The following KCNT1 variants were observed in gnomAD, a reference collection of about 807,000 sequenced individuals.
The protein encoded by KCNT1 is potassium sodium-activated channel subfamily T member 1.
KCNT1 carries 78 observed loss-of-function variants against 147.8 expected under a neutral mutation model. The observed-to-expected ratio is 0.53, with a 90% CI of 0.44 to 0.64. The LOEUF is 0.64. Among genes scored for constraint, KCNT1 ranks in the 30% least tolerant of loss-of-function variants. The pLI, the probability that KCNT1 is intolerant of heterozygous loss-of-function variation, is 0.00. For missense variants in KCNT1, 1,419 were observed against 1,750.3 expected, an observed-to-expected ratio of 0.81 and a Z score of 3.38; for synonymous variants, 867 against 748.8, an observed-to-expected ratio of 1.16 and a Z score of -2.58.
chr9:135,710,026 C>T (rs999422696), intron 1 of KCNT1, among the ~76,000 whole-genome samples: 1 of 152,178 alleles, frequency 6.6e-6, no homozygotes, highest in African/African-American at 2.4e-5. Flanking sequence ...CCTGTAGGCA[C>T]CAGGCTGTGT....
At chr9:135,708,160 C>T (rs972812917) in intron 1 of KCNT1, among the ~76,000 whole-genome samples, 3 of 152,230 alleles carry the variant, frequency 2.0e-5, no homozygotes, top group Admixed American at 6.5e-5. Flanking sequence ...CTGGGGGACT[C>T]TCCTGGATGC....
chr9:135,764,539 A>G (rs1386121704), intron 11 of KCNT1, among the ~76,000 whole-genome samples: 2 of 152,234 alleles, frequency 1.3e-5, no homozygotes, highest in African/African-American at 4.8e-5. Context: ...TCTGTTTTGG[A>G]TCTGTCCCCT....
At chr9:135,764,670 G>A (rs530106235) in intron 11 of KCNT1, among the ~76,000 whole-genome samples, 5 of 152,254 alleles carry the variant, frequency 3.3e-5, no homozygotes, top group South Asian at 4.2e-4. Context: ...TGAGGCCTGC[G>A]AGTGCCTGGA....
Position 135,759,577 on chromosome 9 carries a change from T to A in KCNT1, c.855-102T>A, listed in dbSNP as rs1831766572. 12 of 1,282,740 alleles carry A rather than the reference T, an allele frequency of 9.4e-6. No homozygotes were observed. The South Asian group carries it at 1.5e-4, about 16-fold the overall frequency. 79.5% of individuals were successfully genotyped at this position (1,282,740 alleles called of 1,614,324 possible). A position where few individuals can be genotyped will look rare whatever the true frequency, so the allele number is the denominator to read the frequency against. On this transcript the variant is annotated intron_variant, in intron 10 of 30. Coordinates refer to ENST00000371757, the MANE Select transcript of KCNT1 (RefSeq NM_020822.3). ...GCTCGCCTGGTGATGCACAGCTCAG[T>A]CTCCTGGGCAGTGAGGGTCCCGTGG...
chr9:135,755,102 GCCT>G lies in KCNT1; in HGVS notation c.492-15_492-13del. ...AGTGGCTGTGGTGCCCTACTGTGCT[GCCT>G]CCTTTCTCTTCCCAGGGCTCCTATT... On this transcript the variant is annotated splice_polypyrimidine_tract_variant and intron_variant, in intron 5 of 30. Transcript: ENST00000371757. 1 of 1,605,248 alleles carries G rather than the reference GCCT, an allele frequency of 6.2e-7. No homozygotes were observed. The highest frequency in any genetic ancestry group is 8.5e-7 in the Non-Finnish European group (1 of 1,175,938).
At chr9:135,784,707 G>C in intron 26 of KCNT1, 54 bp from the exon 27 acceptor site, 1 of 1,608,974 alleles carries the variant, frequency 6.2e-7, no homozygotes, top group Non-Finnish European at 8.5e-7. Flanking sequence ...CGGTGGCCAG[G>C]AGGCTCTGGG....
intron 2 of KCNT1, among the ~76,000 whole-genome samples, chr9:135,732,042 G>GAGAGAGT (rs1554766213): frequency 1.9e-5 from 1 of 52,696 alleles, no homozygotes; most frequent in Non-Finnish European, 3.8e-5. Flanking sequence ...AGAGAGAGAG[G>GAGAGAGT]GAGTCTCACT....
In KCNT1 at chr9:135,784,596, CG is replaced by C; in HGVS notation, c.3008del (p.Gly1003AlafsTer8). 6.2e-7 allele frequency: 1 copy of C among 1,603,124 alleles called. No individual in the cohort carries two copies. The highest frequency in any genetic ancestry group is 8.5e-7 in the Non-Finnish European group (1 of 1,176,144). On this transcript the variant is annotated frameshift_variant, in exon 26 of 31. Coordinates refer to ENST00000371757, the MANE Select transcript of KCNT1 (RefSeq NM_020822.3). LOFTEE classifies it high-confidence loss of function. Reference sequence around the variant, plus strand: ...CTGCTGCTGGGCCTGGACACCACGCCGGGCTCGGGGTACCTCTGTGCCGTAA... The same window carrying C: ...CTGCTGCTGGGCCTGGACACCACGCCGGCTCGGGGTACCTCTGTGCCGTAA... ...TRLLLGLDTT[P>X]GSGYLCAMKI... is the part of the protein sequence containing the mutation.
chr9:135,731,983 TATATATATAGAG>T (rs1346490976), intron 2 of KCNT1, among the ~76,000 whole-genome samples: 46 of 24,888 alleles, frequency 1.8e-3, no homozygotes, highest in African/African-American at 5.0e-3. Context: ...TATATATATA[TATATATATAGAG>T]AGAGAGAGAG....
At chr9:135,719,891 G>A (rs867169600) in intron 2 of KCNT1, among the ~76,000 whole-genome samples, 2 of 152,188 alleles carry the variant, frequency 1.3e-5, no homozygotes, top group African/African-American at 4.8e-5. Flanking sequence ...GCCCCAGAGC[G>A]GCCTGACCAG....
chr9:135,772,848 G>T lies in KCNT1; in HGVS notation c.2142G>T (p.Leu714=), dbSNP rs370580872. Reference sequence around the variant, plus strand: ...GGCGGCCCAGCATCGCGCCCGTCCTGGAACTGGCCGACAGCTCAGCCCTGC... The same window carrying T: ...GGCGGCCCAGCATCGCGCCCGTCCTTGAACTGGCCGACAGCTCAGCCCTGC... ...GSRRPSIAPV[L]ELADSSALLP... Residue 714 remains leucine, a synonymous_variant, in exon 19 of 31, where the codon CTG becomes CTT. Coordinates refer to ENST00000371757, the MANE Select transcript of KCNT1 (RefSeq NM_020822.3). 6.5e-7 allele frequency: 1 copy of T among 1,545,448 alleles called. No individual in the cohort carries two copies. Among genetic ancestry groups the T allele is most frequent in the South Asian group, 1.2e-5 (1 of 83,414 alleles).
chr9:135,775,623 T>C (rs1030614304), intron 20 of KCNT1, among the ~76,000 whole-genome samples: 4 of 152,256 alleles, frequency 2.6e-5, no homozygotes, highest in African/African-American at 9.6e-5. Flanking sequence ...GCTCTCCCTC[T>C]CACAGTGTCT....
At chr9:135,785,429 A>G in intron 28 of KCNT1, 99 bp downstream of exon 28, 1 of 979,636 alleles carries the variant, frequency 1.0e-6, no homozygotes, top group African/African-American at 3.2e-5. Context: ...CCACCCACCC[A>G]CAGGGCCCTG....
chr9:135,770,402 A>G lies in KCNT1; in HGVS notation c.1724A>G (p.Tyr575Cys). 1 of 1,613,212 alleles carries G rather than the reference A, an allele frequency of 6.2e-7. No individual in the cohort carries two copies. Among genetic ancestry groups the G allele is most frequent in the Non-Finnish European group, 8.5e-7 (1 of 1,179,734 alleles). ...GGTGACAGCAAGTTCTTCCGCGAGT[A>G]CGAGGGCAAGAGCTTCACCTACGCG... ...RMGDSKFFRE[Y>C]EGKSFTYAAF... The change falls in exon 17 of 31, where the codon TAC becomes TGC. Residue 575 changes from tyrosine to cysteine, a missense_variant. Physicochemically the swap from Tyr to Cys is radical, Grantham distance 194. Coordinates refer to ENST00000371757, the MANE Select transcript of KCNT1 (RefSeq NM_020822.3).
rs117294296 is a variant in KCNT1 at position 135,767,009 on chromosome 9, C to T, written c.1337+1249C>T. On this transcript the variant is annotated intron_variant, in intron 13 of 30. Transcript: ENST00000371757. ...ACAAGGTAACAAGAGTATATTATTA[C>T]CTGGAACTTTCCAGAATGTGTCGGT... Among the ~76,000 whole-genome samples, 37 of 152,256 alleles carry T rather than the reference C, an allele frequency of 2.4e-4. 1 individual carries two copies. In the East Asian group the frequency reaches 6.6e-3, roughly 27 times the overall value.
rs1834600612 is a variant in KCNT1, at chr9:135,792,311, C to T, written c.*150C>T. On this transcript the variant is annotated 3_prime_UTR_variant, in exon 31 of 31. Coordinates refer to ENST00000371757, the MANE Select transcript of KCNT1 (RefSeq NM_020822.3). ...CTGGGACTCCACCCTGGAAAGGAGC[C>T]CCTCATGCGGGGGGAGGGCCAGCTC... The T allele has an allele frequency of 9.5e-7, 1 of 1,057,206 alleles. No homozygotes were observed. The highest frequency in any genetic ancestry group is 2.7e-5 in the East Asian group (1 of 36,668). The allele number at this position is 1,057,206 out of a possible 1,614,324, so 65.5% of individuals were successfully genotyped here. A position where few individuals can be genotyped will look rare whatever the true frequency, so the allele number is the denominator to read the frequency against.
chr9:135,706,451 TGTG>T (rs1835259304), intron 1 of KCNT1, among the ~76,000 whole-genome samples: 1 of 152,018 alleles, frequency 6.6e-6, no homozygotes, highest in Non-Finnish European at 1.5e-5. Flanking sequence ...AGTGCCGGGG[TGTG>T]GTGTGTGCCA....
intron 21 of KCNT1, 145 bp downstream of exon 21, chr9:135,777,655 A>G (rs1250141657): frequency 2.7e-6 from 2 of 751,102 alleles, no homozygotes; most frequent in Non-Finnish European, 4.3e-6. Context: ...GCTTTCCTAA[A>G]AAGGGGGACT....
chr9:135,784,165 G>T (rs1286337247), intron 25 of KCNT1, 40 bp downstream of exon 25: 2 of 1,495,296 alleles, frequency 1.3e-6, no homozygotes, highest in African/African-American at 2.7e-5. Flanking sequence ...GCGCCTGGGT[G>T]GGACCCCCGT....
Sources: gnomAD v4.1 joint callset for allele counts (sites outside exome capture counted in the v4.1 genomes callset) on GRCh38, gnomAD v4.1.1 for gene constraint, MANE v1.5 for transcripts, NCBI Gene and HGNC (gene_info 2026-07-23, HGNC 2026-07-21) for gene names.